NID1: variants seen among roughly 807,000 people sequenced by gnomAD.
NID1 encodes nidogen 1.
A neutral mutation model predicts 130.6 loss-of-function variants in NID1; 76 were observed. The observed-to-expected ratio is 0.58, with a 90% CI of 0.48 to 0.70. NID1 has a LOEUF of 0.70. Among genes scored for constraint, NID1 ranks in the 30% least tolerant of loss-of-function variants. NID1 has a pLI of 0.00. For synonymous variants in NID1, 665 were observed against 675.1 expected (o/e 0.98, Z 0.23); for missense variants, 1,517 against 1,664.8 (o/e 0.91, Z 1.54).
intron 10 of NID1, 138 bp downstream of exon 10, chr1:236,017,010 C>T: frequency 9.1e-7 from 1 of 1,094,994 alleles, no homozygotes; most frequent in Non-Finnish European, 1.4e-6. Flanking sequence ...GAGGCTAAGT[C>T]TGATTCATCT....
chr1:235,997,601 C>CTTT (rs11325487), intron 12 of NID1, among the ~76,000 whole-genome samples: 2 of 127,600 alleles, frequency 1.6e-5, no homozygotes, highest in African/African-American at 3.0e-5. Context: ...AGTTCCATTA[C>CTTT]TTTTTTTTTT....
intron 12 of NID1, among the ~76,000 whole-genome samples, chr1:235,998,771 A>G (rs79736674): frequency 1.3e-5 from 2 of 152,324 alleles, no homozygotes; most frequent in Admixed American, 6.5e-5. Flanking sequence ...GTTTTCATAT[A>G]AGCTGTTTCC....
chr1:236,035,831 T>G (rs916121061), intron 5 of NID1, among the ~76,000 whole-genome samples: 1 of 152,130 alleles, frequency 6.6e-6, no homozygotes, highest in Non-Finnish European at 1.5e-5. Flanking sequence ...CACTGTGAAG[T>G]TAGCTGGCCA....
At chr1:236,015,443 T>G (rs1426154809) in intron 10 of NID1, among the ~76,000 whole-genome samples, 2 of 151,822 alleles carry the variant, frequency 1.3e-5, no homozygotes, top group East Asian at 3.9e-4. Flanking sequence ...GGCCAGGAGT[T>G]CAAGACCAGC....
At chr1:236,026,255 A>T (rs1018590968) in intron 7 of NID1, 114 bp from the exon 8 acceptor site, 1 of 1,351,726 alleles carries the variant, frequency 7.4e-7, no homozygotes, top group Non-Finnish European at 1.0e-6. Flanking sequence ...CCCTGCCCAT[A>T]AGGCTACCAG....
chr1:235,991,058 C>A lies in NID1; in HGVS notation c.2756G>T (p.Cys919Phe). ...AATCGGGGGAGCCACTGTACTCAGA[C>A]CTGCATGGCAGAGGGGGTCAGTGAG... Reference protein sequence around the residue: ...TRTRPGMTPPCLSTVAPPIHQ... With the variant: ...TRTRPGMTPPFLSTVAPPIHQ... The change falls in exon 14 of 20, where the codon TGT becomes TTT. Residue 919 changes from cysteine (C) to phenylalanine (F), a missense_variant and splice_region_variant. By Grantham distance (205) the Cys-to-Phe change is radical. Coordinates refer to ENST00000264187, the MANE Select transcript of NID1 (RefSeq NM_002508.3). The A allele has an allele frequency of 6.3e-7, 1 of 1,582,012 alleles. No homozygotes were observed. Among genetic ancestry groups the A allele is most frequent in the Non-Finnish European group, 8.6e-7 (1 of 1,165,404 alleles).
chr1:235,981,568 A>G, intron 16 of NID1, 43 bp downstream of exon 16: 1 of 1,571,344 alleles, frequency 6.4e-7, no homozygotes, highest in Non-Finnish European at 8.7e-7. Context: ...AAAAGGGCAG[A>G]TGCAAATCAA....
chr1:236,025,946 T>A lies in NID1; in HGVS notation c.1934A>T (p.Glu645Val). 6.2e-7 allele frequency: 1 copy of A among 1,614,034 alleles called. No individual in the cohort carries two copies. Among genetic ancestry groups the A allele is most frequent in the Non-Finnish European group, 8.5e-7 (1 of 1,180,004 alleles). ...GAGAGCATAGCGCAAGATCTTCTCCTCCTGGTTGTACAGGACGAACACGCT... is the reference window on the plus strand; with the variant it reads ...GAGAGCATAGCGCAAGATCTTCTCCACCTGGTTGTACAGGACGAACACGCT... Reference protein sequence around the residue: ...VDSVFVLYNQEEKILRYALSN... With the variant: ...VDSVFVLYNQVEKILRYALSN... The change falls in exon 8 of 20, where the codon GAG becomes GTG. Residue 645 changes from glutamate to valine, a missense_variant. This residue lies in a region of NID1 where 1,329 missense variants were observed against 1,429.2 expected (regional missense o/e 0.93). Transcript: ENST00000264187.
Position 235,979,074 on chromosome 1 carries a change from G to A in NID1, c.3543C>T (p.Ser1181=), listed in dbSNP as rs749931175. 1 of 1,614,016 alleles carries A rather than the reference G, an allele frequency of 6.2e-7. No individual in the cohort carries two copies. Among genetic ancestry groups the A allele is most frequent in the Non-Finnish European group, 8.5e-7 (1 of 1,179,946 alleles). The change falls in exon 19 of 20, where the codon TCC becomes TCT. Residue 1181 remains serine (S), a synonymous_variant. Transcript: ENST00000264187. This position sits in a 1 kb window ranked among gnomAD's most constrained non-coding sequence, Gnocchi z 4.6. ...NSVVALDLAI[S]KETDAFQPHK... Reference sequence around the variant, plus strand: ...GGGGTTGGAAAGCATCCGTCTCCTTGGAAATTGCAAGATCGAGAGCAACCA... The same window carrying A: ...GGGGTTGGAAAGCATCCGTCTCCTTAGAAATTGCAAGATCGAGAGCAACCA...
chr1:236,001,263 G>A (rs546250910), intron 12 of NID1, among the ~76,000 whole-genome samples: 48 of 152,132 alleles, frequency 3.2e-4, no homozygotes, highest in African/African-American at 1.1e-3. Flanking sequence ...CTGCCACTGC[G>A]CCCAGCTAAT....
chr1:236,017,472 G>C (rs1000241377), intron 9 of NID1, among the ~76,000 whole-genome samples, 199 bp from the exon 10 acceptor site: 1 of 151,648 alleles, frequency 6.6e-6, no homozygotes, highest in African/African-American at 2.4e-5. Context: ...TGCAACCTCT[G>C]CCTCCAGGGT....
chr1:235,997,721 C>G (rs941357115), intron 12 of NID1, among the ~76,000 whole-genome samples: 1 of 151,476 alleles, frequency 6.6e-6, no homozygotes, highest in African/African-American at 2.4e-5. Flanking sequence ...GTTCTCCTGT[C>G]TCAGCCTCCT....
At position 236,017,229 on chromosome 1, in the gene NID1, T is replaced by C. The variant is rs1422538530; in HGVS notation, c.2173A>G (p.Thr725Ala). 1 of 1,614,208 alleles carries C rather than the reference T, an allele frequency of 6.2e-7. No individual in the cohort carries two copies. Among genetic ancestry groups the C allele is most frequent in the Non-Finnish European group, 8.5e-7 (1 of 1,180,016 alleles). ...GTTCCTGGGTGATTATTGCAGATTG[T>C]GTGGCTCCCACACACTGAGGGTTGT... ...SEQPSVCGSH[T>A]ICNNHPGTFR... Residue 725 changes from threonine to alanine, a missense_variant, in exon 10 of 20, where the codon ACA (threonine) becomes GCA (alanine). Physicochemically the swap from Thr to Ala is moderately conservative, Grantham distance 58 (BLOSUM62 0). This residue lies in a region of NID1 where 1,329 missense variants were observed against 1,429.2 expected (regional missense o/e 0.93). Transcript: ENST00000264187.
intron 1 of NID1, among the ~76,000 whole-genome samples, chr1:236,059,706 G>C (rs1265197172): frequency 2.6e-5 from 4 of 152,138 alleles, no homozygotes; most frequent in Non-Finnish European, 5.9e-5. Flanking sequence ...ACTGGAAAGG[G>C]GTCCCGATCC....
chr1:236,032,819 C>T (rs1213224665), intron 5 of NID1, among the ~76,000 whole-genome samples, 167 bp from the exon 6 acceptor site: 1 of 152,174 alleles, frequency 6.6e-6, no homozygotes, highest in Non-Finnish European at 1.5e-5. Context: ...CCTGAGACTA[C>T]CCACAACTGT....
chr1:236,057,183 C>T (rs1659918465), intron 1 of NID1, among the ~76,000 whole-genome samples: 3 of 152,008 alleles, frequency 2.0e-5, no homozygotes, highest in Non-Finnish European at 4.4e-5. Context: ...CGCTTGAACC[C>T]GGGAGGTGGA....
chr1:236,059,273 A>G (rs1659979026), intron 1 of NID1, among the ~76,000 whole-genome samples: 1 of 152,224 alleles, frequency 6.6e-6, no homozygotes, highest in Admixed American at 6.5e-5. Context: ...GTGACTGGGT[A>G]GCTACAAAAA....
intron 1 of NID1, among the ~76,000 whole-genome samples, chr1:236,049,544 A>G (rs1442740387): frequency 6.6e-6 from 1 of 152,178 alleles, no homozygotes; most frequent in Admixed American, 6.5e-5. Context: ...AGAAATCCAC[A>G]ATCCAGAAGG....
chr1:236,038,818 G>T lies in NID1; in HGVS notation c.1136-565C>A, dbSNP rs549925996. ...GTCATATATAATATATATTACCTATGTTATATAGGTCATATATAATAAATA... is the reference window on the plus strand; with the variant it reads ...GTCATATATAATATATATTACCTATTTTATATAGGTCATATATAATAAATA... On this transcript the variant is annotated intron_variant, in intron 4 of 19. Transcript: ENST00000264187. Among the ~76,000 whole-genome samples, 18 of 107,752 alleles carry T rather than the reference G, an allele frequency of 1.7e-4. 4 individuals are homozygous for T. Among genetic ancestry groups the T allele is most frequent in the Admixed American group, 1.5e-3 (16 of 10,422 alleles). The allele number at this position is 107,752 out of a possible 152,430, so 70.7% of individuals were successfully genotyped here. A position where few individuals can be genotyped will look rare whatever the true frequency, so the allele number is the denominator to read the frequency against.
Sources: allele counts gnomAD v4.1 joint callset (sites outside exome capture counted in the v4.1 genomes callset), GRCh38; gene constraint gnomAD v4.1.1; regional missense constraint gnomAD v4.1.1; non-coding constraint Gnocchi (gnomAD v3.1); transcripts MANE v1.5; gene names NCBI Gene and HGNC (gene_info 2026-07-23, HGNC 2026-07-21).